UBAP1: variants seen among roughly 807,000 people sequenced by gnomAD.
The protein encoded by UBAP1 is ubiquitin-associated protein 1.
Under a neutral mutation model 39.0 loss-of-function variants are expected in UBAP1, and 5 were observed. The ratio of observed to expected loss-of-function variants is 0.13; its 90% confidence interval spans 0.07 to 0.27. The LOEUF is 0.27. Ranked by LOEUF, UBAP1 falls within the 10% of genes least tolerant of loss-of-function variation. The pLI is 1.00. For synonymous variants in UBAP1, 211 were observed against 225.1 expected, an observed-to-expected ratio of 0.94 and a Z score of 0.56; for missense variants, 490 against 608.1, an observed-to-expected ratio of 0.81 and a Z score of 2.04.
intron 2 of UBAP1, among the ~76,000 whole-genome samples, chr9:34,231,127 A>ATG (rs6150983): frequency 0.13 from 17,405 of 136,626 alleles, 1,039 homozygotes; most frequent in Non-Finnish European, 0.16. Context: ...TAAAAAAATT[A>ATG]TGTGTGTGTG....
At chr9:34,197,517 A>G (rs1196470841) in intron 1 of UBAP1, among the ~76,000 whole-genome samples, 1 of 151,704 alleles carries the variant, frequency 6.6e-6, no homozygotes, top group African/African-American at 2.4e-5. Flanking sequence ...TTGGCATTTT[A>G]TTAGTTTTCT....
chr9:34,210,592 G>A (rs1416762705), intron 1 of UBAP1, among the ~76,000 whole-genome samples: 1 of 151,426 alleles, frequency 6.6e-6, no homozygotes, highest in African/African-American at 2.4e-5. Context: ...GGTGGTGTGT[G>A]CCTGTAGTAC....
rs548584421 is a variant in UBAP1 at position 34,221,516 on chromosome 9, C to G, written c.34+568C>G. Among the ~76,000 whole-genome samples, 5 of 139,900 alleles carry G rather than the reference C, an allele frequency of 3.6e-5. No homozygotes were observed. In the South Asian group the frequency reaches 1.2e-3, roughly 32 times the overall value. 91.8% of individuals were successfully genotyped at this position (139,900 alleles called of 152,430 possible). ...CTGCACTCCAGCCTGGGGGACAGAG[C>G]GAGACTCCATTAAAAAAAAAAAAAA... On this transcript the variant is annotated intron_variant, in intron 2 of 6. Coordinates refer to ENST00000297661, the MANE Select transcript of UBAP1 (RefSeq NM_016525.5).
intron 1 of UBAP1, among the ~76,000 whole-genome samples, chr9:34,210,617 G>T (rs1298553377): frequency 6.6e-6 from 1 of 151,966 alleles, no homozygotes; most frequent in African/African-American, 2.4e-5. Context: ...TACCTGGGAG[G>T]CTGAGGCAGG....
chr9:34,247,288 C>T (rs1284166647), intron 4 of UBAP1, among the ~76,000 whole-genome samples: 1 of 151,922 alleles, frequency 6.6e-6, no homozygotes, highest in Non-Finnish European at 1.5e-5. Context: ...TTTGTTTGTC[C>T]CTGTTCAAGA....
At chr9:34,229,360 C>T (rs1423406113) in intron 2 of UBAP1, among the ~76,000 whole-genome samples, 2 of 151,320 alleles carry the variant, frequency 1.3e-5, no homozygotes, top group Non-Finnish European at 2.9e-5. Context: ...CAGGTTCAAG[C>T]GATTCTCCTG....
chr9:34,201,715 G>T (rs1373153691), intron 1 of UBAP1, among the ~76,000 whole-genome samples: 2 of 152,100 alleles, frequency 1.3e-5, no homozygotes, highest in East Asian at 1.9e-4. Flanking sequence ...CACCAGTTGG[G>T]TGTTCTCCAG....
chr9:34,203,743 C>A (rs1421114729), intron 1 of UBAP1, among the ~76,000 whole-genome samples: 1 of 152,024 alleles, frequency 6.6e-6, no homozygotes, highest in Non-Finnish European at 1.5e-5. Flanking sequence ...ACTTAAGAAC[C>A]CCTTTTCTCT....
chr9:34,213,219 C>T (rs1832112555), intron 1 of UBAP1, among the ~76,000 whole-genome samples: 1 of 152,098 alleles, frequency 6.6e-6, no homozygotes, highest in South Asian at 2.1e-4. Context: ...TGAAAGCCAT[C>T]TCTGGGCCAG....
chr9:34,223,609 A>G (rs1476653564), intron 2 of UBAP1, among the ~76,000 whole-genome samples: 1 of 152,058 alleles, frequency 6.6e-6, no homozygotes. Flanking sequence ...GCCTGCCACC[A>G]TGCCCAGCTA....
At position 34,180,806 on chromosome 9, in the gene UBAP1, T is replaced by G. The variant is rs1043011845; in HGVS notation, c.-8+1566T>G. ...CATTGGAAAAAAAACTTTTTTTTTTTTTTGTTTCTTTTTATTTTTTTCCAG... is the reference window on the plus strand; with the variant it reads ...CATTGGAAAAAAAACTTTTTTTTTTGTTTGTTTCTTTTTATTTTTTTCCAG... On this transcript the variant is annotated intron_variant, in intron 1 of 6. Transcript: ENST00000297661. Among the ~76,000 whole-genome samples the G allele has an allele frequency of 6.6e-5, 10 of 151,856 alleles. 1 individual carries two copies. Among genetic ancestry groups the G allele is most frequent in the Admixed American group, 4.6e-4 (7 of 15,222 alleles).
At chr9:34,182,160 G>GTTTATTTA (rs10530740) in intron 1 of UBAP1, among the ~76,000 whole-genome samples, 16,555 of 82,592 alleles carry the variant, frequency 0.2, 1,272 homozygotes, top group Non-Finnish European at 0.27. Flanking sequence ...GATCCCTGAC[G>GTTTATTTA]TTTATTTATT....
Position 34,242,258 on chromosome 9 carries a change from C to T in UBAP1, c.1083+150C>T. ...GTGGTGTGATCGTACCTTATTGTAGCCTCGACCTCCCGGGCTCAAGCCTGT... is the reference window on the plus strand; with the variant it reads ...GTGGTGTGATCGTACCTTATTGTAGTCTCGACCTCCCGGGCTCAAGCCTGT... On this transcript the variant is annotated intron_variant, in intron 4 of 6. Coordinates refer to ENST00000297661, the MANE Select transcript of UBAP1 (RefSeq NM_016525.5). 5 of 780,096 alleles carry T rather than the reference C, an allele frequency of 6.4e-6. No individual in the cohort carries two copies. In the South Asian group the frequency reaches 1.1e-4, roughly 17 times the overall value. 48.3% of individuals were successfully genotyped at this position (780,096 alleles called of 1,614,324 possible).
intron 1 of UBAP1, among the ~76,000 whole-genome samples, chr9:34,197,813 G>A (rs1831149760): frequency 6.6e-6 from 1 of 152,230 alleles, no homozygotes; most frequent in African/African-American, 2.4e-5. Flanking sequence ...GCCTCCTGAA[G>A]TGCTAGGATT....
chr9:34,226,129 G>GTGTGTGTGTGTGTTTT (rs1207317521), intron 2 of UBAP1, among the ~76,000 whole-genome samples: 1 of 141,854 alleles, frequency 7.0e-6, no homozygotes, highest in Non-Finnish European at 1.5e-5. Flanking sequence ...GTGTGTGTGT[G>GTGTGTGTGTGTGTTTT]TGTGTGTGTG....
intron 1 of UBAP1, among the ~76,000 whole-genome samples, chr9:34,216,793 C>T (rs1339893136): frequency 1.3e-5 from 2 of 151,472 alleles, no homozygotes; most frequent in Non-Finnish European, 1.5e-5. Flanking sequence ...ACTACAGGTG[C>T]GTACCACCAT....
intron 1 of UBAP1, among the ~76,000 whole-genome samples, chr9:34,204,567 C>G (rs1831582069): frequency 6.6e-6 from 1 of 151,728 alleles, no homozygotes; most frequent in Non-Finnish European, 1.5e-5. Context: ...ACTAGAAAAA[C>G]CAGTGAAATT....
intron 3 of UBAP1, 69 bp from the exon 4 acceptor site, chr9:34,241,116 G>A (rs1274335577): frequency 8.7e-7 from 1 of 1,150,214 alleles, no homozygotes; most frequent in Non-Finnish European, 1.2e-6. Flanking sequence ...TGAGGAAGGA[G>A]TGAATTGGGT....
At chr9:34,197,089 G>A (rs551562853) in intron 1 of UBAP1, among the ~76,000 whole-genome samples, 2 of 151,830 alleles carry the variant, frequency 1.3e-5, no homozygotes, top group East Asian at 1.9e-4. Context: ...CACCACACCC[G>A]GCTAATTTTT....
Sources: allele counts gnomAD v4.1 joint callset (sites outside exome capture counted in the v4.1 genomes callset), GRCh38; gene constraint gnomAD v4.1.1; transcripts MANE v1.5; gene names NCBI Gene and HGNC (gene_info 2026-07-23, HGNC 2026-07-21).